PCDHA10: variants seen among roughly 807,000 people sequenced by gnomAD.
PCDHA10 encodes the protein protocadherin alpha 10.
Under a neutral mutation model 61.2 loss-of-function variants are expected in PCDHA10, and 45 were observed. That is an observed-to-expected ratio of 0.74 (90% confidence interval 0.58 to 0.94). The LOEUF (loss-of-function observed/expected upper bound fraction) is 0.94, where lower values mean the gene tolerates loss of function less well. Ranked by LOEUF, PCDHA10 falls within the 40% of genes least tolerant of loss-of-function variation. The pLI is 0.00. For synonymous variants in PCDHA10, 602 were observed against 548.8 expected (o/e 1.10, Z -1.35); for missense variants, 1,278 against 1,236.2 (o/e 1.03, Z -0.51).
intron 1 of PCDHA10, among the ~76,000 whole-genome samples, chr5:140,931,879 T>A (rs1335268218): frequency 3.3e-5 from 5 of 151,966 alleles, no homozygotes; most frequent in Non-Finnish European, 7.4e-5. Flanking sequence ...TATTTATTGC[T>A]TTCATTTTAT....
rs539970308 is a variant in PCDHA10 at position 140,890,959 on chromosome 5, G to GGTTTT, written c.2388+32529_2388+32533dup. 2.6e-4 allele frequency among the ~76,000 whole-genome samples: 40 copies of GGTTTT among 152,148 alleles called. 1 individual carries two copies. In the South Asian group the frequency reaches 8.1e-3, roughly 31 times the overall value. On this transcript the variant is annotated intron_variant, in intron 1 of 3. Transcript: ENST00000307360. ...AAGATGCTGGTGAGGAATGATTTCAGGTTTTGTTTTTCTGAAAATGTCTTT... is the reference window on the plus strand; with the variant it reads ...AAGATGCTGGTGAGGAATGATTTCAGGTTTTGTTTTGTTTTTCTGAAAATGTCTTT...
chr5:140,946,031 G>A (rs1275615718), intron 1 of PCDHA10, among the ~76,000 whole-genome samples: 2 of 151,984 alleles, frequency 1.3e-5, no homozygotes, highest in African/African-American at 2.4e-5. Flanking sequence ...AAGAAAACAA[G>A]AGTGAAGGGA....
intron 3 of PCDHA10, among the ~76,000 whole-genome samples, chr5:141,009,035 G>A (rs1455230382): frequency 2.6e-5 from 4 of 152,106 alleles, no homozygotes; most frequent in Non-Finnish European, 2.9e-5. Flanking sequence ...TTCCCATCCC[G>A]TTCCCAGTCA....
chr5:140,993,596 A>G (rs562427268), intron 3 of PCDHA10, among the ~76,000 whole-genome samples: 53 of 152,194 alleles, frequency 3.5e-4, no homozygotes, highest in Admixed American at 2.6e-4. Flanking sequence ...CTTGGCTCCA[A>G]TAGAGAATTT....
chr5:140,977,084 A>C lies in PCDHA10; in HGVS notation c.2389-1865A>C, dbSNP rs545652987. On this transcript the variant is annotated intron_variant, in intron 1 of 3. Coordinates refer to ENST00000307360, the MANE Select transcript of PCDHA10 (RefSeq NM_018901.4). ...TAGAAAATAGCAGCATGACAAATTA[A>C]ATGTGTCATTGGGGAAGTGAGATTG... is the stretch of plus-strand genomic sequence containing the variant. 2.0e-5 allele frequency among the ~76,000 whole-genome samples: 3 copies of C among 152,336 alleles called. No individual in the cohort carries two copies. The East Asian group carries it at 5.8e-4, about 29-fold the overall frequency.
chr5:141,009,634 G>A lies in PCDHA10; in HGVS notation c.2544G>A (p.Glu848=). The change falls in exon 4 of 4, where the codon GAG becomes GAA. Residue 848 remains glutamate (E), a synonymous_variant. Transcript: ENST00000307360. Reference sequence around the variant, plus strand: ...TAATGTTTTGTCTTTCAGAACCAGAGGCAGGAGAAGTGTCCCCTCCAGTCG... The same window carrying A: ...TAATGTTTTGTCTTTCAGAACCAGAAGCAGGAGAAGTGTCCCCTCCAGTCG... The part of the protein sequence containing the change: ...PTVSSATPEP[E]AGEVSPPVGA... The A allele has an allele frequency of 6.2e-7, 1 of 1,613,116 alleles. No individual in the cohort carries two copies. The highest frequency in any genetic ancestry group is 8.5e-7 in the Non-Finnish European group (1 of 1,179,406).
chr5:140,915,374 G>A (rs1310466402), intron 1 of PCDHA10, among the ~76,000 whole-genome samples: 3 of 152,016 alleles, frequency 2.0e-5, no homozygotes, highest in Non-Finnish European at 4.4e-5. Flanking sequence ...TAAGTGTCTC[G>A]GCATTGAAGA....
intron 1 of PCDHA10, chr5:140,865,913 C>G (rs2049050417): frequency 6.6e-6 from 1 of 152,098 alleles, no homozygotes; most frequent in African/African-American, 2.4e-5. Flanking sequence ...ATCTTTCTTT[C>G]TGTTGTGCTT....
At chr5:140,871,053 G>A in intron 1 of PCDHA10, 1 of 1,613,334 alleles carries the variant, frequency 6.2e-7, no homozygotes, top group East Asian at 2.2e-5. Flanking sequence ...TAGTACTGGT[G>A]AAGGATCACG....
intron 1 of PCDHA10, chr5:140,860,150 T>G (rs868970469): frequency 6.7e-6 from 1 of 150,164 alleles, no homozygotes; most frequent in Non-Finnish European, 1.5e-5. Flanking sequence ...TATGTATATA[T>G]GTGTATATAT....
chr5:140,946,517 G>A (rs138420578), intron 1 of PCDHA10, among the ~76,000 whole-genome samples: 8 of 151,024 alleles, frequency 5.3e-5, no homozygotes, highest in Admixed American at 1.3e-4. Flanking sequence ...AGACCTATCC[G>A]CACTCCCATG....
intron 1 of PCDHA10, among the ~76,000 whole-genome samples, chr5:140,941,595 A>T (rs1273931279): frequency 6.6e-6 from 1 of 152,016 alleles, no homozygotes; most frequent in African/African-American, 2.4e-5. Context: ...GATTACAGCC[A>T]TGAGCCATGG....
rs782205253 is a variant in PCDHA10, at chr5:140,927,557, T to C, written c.2389-51392T>C. 12 of 1,614,028 alleles carry C rather than the reference T, an allele frequency of 7.4e-6. No homozygotes were observed. In the East Asian group the frequency reaches 2.7e-4, roughly 36 times the overall value. On this transcript the variant is annotated intron_variant, in intron 1 of 3. Coordinates refer to ENST00000307360, the MANE Select transcript of PCDHA10 (RefSeq NM_018901.4). ...TCAGGAGACGCACAAGTCACCATCATTGTGGTGGACACAAATGACAACGCG... is the reference window on the plus strand; with the variant it reads ...TCAGGAGACGCACAAGTCACCATCACTGTGGTGGACACAAATGACAACGCG...
chr5:140,900,233 GT>G (rs1261263702), intron 1 of PCDHA10, among the ~76,000 whole-genome samples: 15 of 151,946 alleles, frequency 9.9e-5, no homozygotes, highest in African/African-American at 2.7e-4. Context: ...ACTGGATCTT[GT>G]TTTTTTTATG....
In PCDHA10 at chr5:140,857,031, C is replaced by A. The variant is rs782539359; in HGVS notation, c.983C>A (p.Pro328His). 6 of 1,596,318 alleles carry A rather than the reference C, an allele frequency of 3.8e-6. No homozygotes were observed. The South Asian group carries it at 6.6e-5, about 18-fold the overall frequency. The change falls in exon 1 of 4, where the codon CCT becomes CAT. Residue 328 changes from proline to histidine, a missense_variant. Pro to His is a moderately conservative substitution (Grantham distance 77). Coordinates refer to ENST00000307360, the MANE Select transcript of PCDHA10 (RefSeq NM_018901.4). The stretch of plus-strand genomic sequence containing the variant: ...GATGTTACAGATAAGGGAAACCCAC[C>A]TATGGTTGGTCACTGCACGGTCCTA... Reference protein sequence around the residue: ...HVDVTDKGNPPMVGHCTVLVE... With the variant: ...HVDVTDKGNPHMVGHCTVLVE...
intron 1 of PCDHA10, among the ~76,000 whole-genome samples, chr5:140,916,262 G>A: frequency 6.6e-6 from 1 of 152,202 alleles, no homozygotes; most frequent in East Asian, 1.9e-4. Flanking sequence ...GACCCCAAGA[G>A]CATGCTTGTT....
chr5:140,876,979 G>T lies in PCDHA10; in HGVS notation c.2388+18543G>T. ...GGTGGAGCGGCGGGTGGGCGAGCAC[G>T]CACTGTCGAGCTACGTGTCGGTGCA... On this transcript the variant is annotated intron_variant, in intron 1 of 3. Transcript: ENST00000307360. The T allele has an allele frequency of 2.5e-6, 4 of 1,612,614 alleles. No homozygotes were observed. The South Asian group carries it at 3.3e-5, about 13-fold the overall frequency.
At chr5:140,877,970 T>A in intron 1 of PCDHA10, 1 of 1,279,190 alleles carries the variant, frequency 7.8e-7, no homozygotes. Flanking sequence ...TTCTTGGTCA[T>A]TCTTACTCAT....
intron 1 of PCDHA10, chr5:140,869,391 C>T: frequency 6.2e-7 from 1 of 1,614,138 alleles, no homozygotes; most frequent in Non-Finnish European, 8.5e-7. Flanking sequence ...AGGAGCTGTG[C>T]GGGCAGAGCG....
Sources: allele counts gnomAD v4.1 joint callset (sites outside exome capture counted in the v4.1 genomes callset), GRCh38; gene constraint gnomAD v4.1.1; transcripts MANE v1.5; gene names NCBI Gene and HGNC (gene_info 2026-07-23, HGNC 2026-07-21).